SLC25A13: variants seen among roughly 807,000 people sequenced by gnomAD.
SLC25A13 encodes the protein electrogenic aspartate/glutamate antiporter SLC25A13, mitochondrial.
SLC25A13 carries 70 observed loss-of-function variants against 85.5 expected under a neutral mutation model. The ratio of observed to expected loss-of-function variants is 0.82; its 90% CI spans 0.68 to 1.00. SLC25A13 has a LOEUF of 1.00. Among genes scored for constraint, SLC25A13 ranks in the 50% least tolerant of loss-of-function variants. The pLI is 0.00. For missense variants in SLC25A13, 765 were observed against 819.8 expected (o/e 0.93, Z 0.82); for synonymous variants, 259 against 288.7 (o/e 0.90, Z 1.04).
At chr7:96,290,746 G>A (rs1030809921) in intron 2 of SLC25A13, among the ~76,000 whole-genome samples, 2 of 152,146 alleles carry the variant, frequency 1.3e-5, no homozygotes, top group African/African-American at 2.4e-5. Context: ...AAATACATAT[G>A]CACCCAATAC....
intron 14 of SLC25A13, among the ~76,000 whole-genome samples, chr7:96,140,907 T>C (rs749614451): frequency 6.6e-6 from 1 of 152,122 alleles, no homozygotes; most frequent in African/African-American, 2.4e-5. Context: ...ATGTCCTCTT[T>C]GGAGAAATAT....
chr7:96,177,230 C>T (rs1043394512), intron 11 of SLC25A13, among the ~76,000 whole-genome samples: 3 of 152,164 alleles, frequency 2.0e-5, no homozygotes, highest in Non-Finnish European at 2.9e-5. Flanking sequence ...TATCTTAGAA[C>T]AGCTGTCCCC....
intron 15 of SLC25A13, among the ~76,000 whole-genome samples, chr7:96,131,008 T>C (rs1008800876): frequency 6.6e-6 from 1 of 152,176 alleles, no homozygotes; most frequent in Non-Finnish European, 1.5e-5. Context: ...CTGATGAGAA[T>C]AGCACAGGTA....
At chr7:96,302,047 C>T (rs1175328787) in intron 1 of SLC25A13, among the ~76,000 whole-genome samples, 1 of 152,142 alleles carries the variant, frequency 6.6e-6, no homozygotes, top group Non-Finnish European at 1.5e-5. Context: ...TGAGTCTATG[C>T]TCCACAGGAG....
intron 2 of SLC25A13, among the ~76,000 whole-genome samples, chr7:96,280,095 G>A (rs767672300): frequency 8.5e-5 from 13 of 152,094 alleles, no homozygotes; most frequent in Non-Finnish European, 1.9e-4. Flanking sequence ...TGCAGTCAGA[G>A]ATGTTTCAGG....
chr7:96,278,642 C>G (rs1213366397), intron 2 of SLC25A13, among the ~76,000 whole-genome samples: 1 of 152,146 alleles, frequency 6.6e-6, no homozygotes, highest in Non-Finnish European at 1.5e-5. Context: ...ATACTCATGT[C>G]ATATACTTAG....
At chr7:96,174,858 C>T (rs938511001) in intron 11 of SLC25A13, among the ~76,000 whole-genome samples, 7 of 152,174 alleles carry the variant, frequency 4.6e-5, no homozygotes, top group African/African-American at 9.7e-5. Context: ...GGGAAAACCC[C>T]GTATTTAAGA....
chr7:96,318,474 T>G (rs1024117772), intron 1 of SLC25A13, among the ~76,000 whole-genome samples: 1 of 152,178 alleles, frequency 6.6e-6, no homozygotes, highest in African/African-American at 2.4e-5. Flanking sequence ...ACAAGGATTA[T>G]TCCTACAAAC....
At chr7:96,257,758 A>G (rs948063069) in intron 3 of SLC25A13, among the ~76,000 whole-genome samples, 4 of 152,206 alleles carry the variant, frequency 2.6e-5, no homozygotes, top group Non-Finnish European at 5.9e-5. Context: ...CAGAGACACA[A>G]CAAAAAAAGA....
At chr7:96,182,071 C>T (rs1014724342) in intron 11 of SLC25A13, among the ~76,000 whole-genome samples, 3 of 152,142 alleles carry the variant, frequency 2.0e-5, no homozygotes, top group African/African-American at 7.2e-5. Flanking sequence ...CATCTGATCT[C>T]TCTTACCCAA....
chr7:96,276,857 T>C (rs113787205), intron 3 of SLC25A13, among the ~76,000 whole-genome samples: 21 of 152,200 alleles, frequency 1.4e-4, no homozygotes, highest in Admixed American at 1.3e-4. Context: ...AGCTATGTTG[T>C]ACATTTACTC....
chr7:96,128,939 GCTCTCTCT>G lies in SLC25A13; in HGVS notation c.1591+2796_1591+2803del, dbSNP rs58984088. Among the ~76,000 whole-genome samples, 371 of 81,898 alleles carry G rather than the reference GCTCTCTCT, an allele frequency of 4.5e-3. 1 individual carries two copies. The highest frequency in any genetic ancestry group is 5.8e-3 in the Non-Finnish European group (235 of 40,654). 53.7% of individuals were successfully genotyped at this position (81,898 alleles called of 152,430 possible). The stretch of plus-strand genomic sequence containing the variant: ...AGACACTGCAGCTTCTGCCTTGCTT[GCTCTCTCT>G]CTCTCTCTCTCTCTCTCTCTCTCTC... On this transcript the variant is annotated intron_variant, in intron 15 of 17. Coordinates refer to ENST00000265631, the MANE Select transcript of SLC25A13 (RefSeq NM_014251.3).
At chr7:96,278,657 A>C (rs1194167703) in intron 2 of SLC25A13, among the ~76,000 whole-genome samples, 1 of 152,218 alleles carries the variant, frequency 6.6e-6, no homozygotes, top group African/African-American at 2.4e-5. Flanking sequence ...ACTTAGCACA[A>C]CGCCCTATAC....
chr7:96,124,492 G>A (rs1791644420), intron 15 of SLC25A13, among the ~76,000 whole-genome samples: 1 of 152,166 alleles, frequency 6.6e-6, no homozygotes, highest in Non-Finnish European at 1.5e-5. Context: ...CGTCTTCATA[G>A]TGAATTTTAT....
intron 3 of SLC25A13, among the ~76,000 whole-genome samples, chr7:96,235,603 T>C (rs986731324): frequency 3.9e-5 from 6 of 152,140 alleles, no homozygotes; most frequent in African/African-American, 1.4e-4. Context: ...CGGTAATGGG[T>C]GTAGACTAGA....
intron 1 of SLC25A13, among the ~76,000 whole-genome samples, chr7:96,315,936 G>A (rs1800110056): frequency 6.6e-6 from 1 of 151,670 alleles, no homozygotes; most frequent in African/African-American, 2.4e-5. Flanking sequence ...GGGCGACATA[G>A]CAAGACCCCC....
chr7:96,285,765 CT>C (rs1463749842), intron 2 of SLC25A13, among the ~76,000 whole-genome samples: 2 of 152,188 alleles, frequency 1.3e-5, no homozygotes, highest in Non-Finnish European at 2.9e-5. Context: ...TGTTATACAT[CT>C]TTTGCACCTC....
chr7:96,208,914 G>A lies in SLC25A13; in HGVS notation c.392C>T (p.Ser131Leu). 6.2e-7 allele frequency: 1 copy of A among 1,614,012 alleles called. No individual in the cohort carries two copies. The highest frequency in any genetic ancestry group is 8.5e-7 in the Non-Finnish European group (1 of 1,179,962). Reference protein sequence around the residue: ...IHQHIPFNWDSEFVQLHFGKE... With the variant: ...IHQHIPFNWDLEFVQLHFGKE... ...TCCAAAATGTAGTTGCACAAATTCT[G>A]AATCCCAGTTAAATGGAATATGTTG... The change falls in exon 5 of 18, where the codon TCA becomes TTA. Residue 131 changes from serine (S) to leucine (L), a missense_variant. Physicochemically the swap from Ser to Leu is moderately radical, Grantham distance 145 (BLOSUM62 -2). Transcript: ENST00000265631.
intron 14 of SLC25A13, among the ~76,000 whole-genome samples, chr7:96,141,624 G>A (rs1292233624): frequency 1.3e-5 from 2 of 152,316 alleles, no homozygotes; most frequent in African/African-American, 4.8e-5. Flanking sequence ...CCACTAGGCT[G>A]GTTGTAAAAC....
Sources: allele counts gnomAD v4.1 joint callset (sites outside exome capture counted in the v4.1 genomes callset), GRCh38; gene constraint gnomAD v4.1.1; transcripts MANE v1.5; gene names NCBI Gene and HGNC (gene_info 2026-07-23, HGNC 2026-07-21).